Variants in TTC27 observed in about 807,000 individuals in gnomAD.
TTC27 encodes tetratricopeptide repeat protein 27.
In TTC27, 79 loss-of-function variants were observed where a neutral mutation model predicts 115.9. That is an observed-to-expected ratio of 0.68 (90% confidence interval 0.57 to 0.82). TTC27 has a LOEUF of 0.82. Ranked by LOEUF, TTC27 falls within the 40% of genes least tolerant of loss-of-function variation. The probability of loss-of-function intolerance (pLI) is 0.00; values close to 1 mark genes in which losing one functional copy is unlikely to be tolerated. For synonymous variants in TTC27, 401 were observed against 356.0 expected (o/e 1.13, Z -1.42); for missense variants, 1,054 against 993.1 (o/e 1.06, Z -0.82).
chr2:32,735,334 G>A (rs757553119), intron 11 of TTC27, among the ~76,000 whole-genome samples: 15 of 152,120 alleles, frequency 9.9e-5, no homozygotes, highest in Non-Finnish European at 2.1e-4. Flanking sequence ...TGTGAAATTG[G>A]TTAGGTGCTT....
chr2:32,766,013 G>A (rs1465564391), intron 13 of TTC27, among the ~76,000 whole-genome samples: 1 of 152,174 alleles, frequency 6.6e-6, no homozygotes, highest in African/African-American at 2.4e-5. Flanking sequence ...CTTATCACTT[G>A]TGTATTCCCT....
At chr2:32,748,308 A>T (rs1668897197) in intron 12 of TTC27, among the ~76,000 whole-genome samples, 1 of 152,112 alleles carries the variant, frequency 6.6e-6, no homozygotes, top group Non-Finnish European at 1.5e-5. Flanking sequence ...ACTTTCTATG[A>T]CTTCAGTCTT....
rs546926584 is a variant in TTC27 at position 32,790,045 on chromosome 2, A to C, written c.1998+2896A>C. On this transcript the variant is annotated intron_variant, in intron 16 of 19. Transcript: ENST00000317907. ...TTTCAGAAAAGAAAAAAAAAATCTA[A>C]AAAAAATAGCTATATTTTCCTAGTA... is the stretch of plus-strand genomic sequence containing the variant. Among the ~76,000 whole-genome samples, 24 of 151,920 alleles carry C rather than the reference A, an allele frequency of 1.6e-4. No homozygotes were observed. The South Asian group carries it at 4.8e-3, about 30-fold the overall frequency.
In TTC27 at chr2:32,755,548, G is replaced by C. The variant is rs1005249877; in HGVS notation, c.1453-2744G>C. Among the ~76,000 whole-genome samples, 8 of 152,252 alleles carry C rather than the reference G, an allele frequency of 5.3e-5. 1 individual carries two copies. In the South Asian group the frequency reaches 1.7e-3, roughly 32 times the overall value. ...GATGGCAGCAGTACAGTCCAGCTTC[G>C]GCTCGGCATCAGAGGGAGACCTTGG... On this transcript the variant is annotated intron_variant, in intron 12 of 19. Transcript: ENST00000317907.
chr2:32,697,493 T>C (rs1268496696), intron 9 of TTC27, among the ~76,000 whole-genome samples: 1 of 152,242 alleles, frequency 6.6e-6, no homozygotes, highest in Non-Finnish European at 1.5e-5. Context: ...AATGTGTTTA[T>C]AAGATATTTC....
At chr2:32,802,017 C>G (rs912965703) in intron 16 of TTC27, among the ~76,000 whole-genome samples, 1 of 152,132 alleles carries the variant, frequency 6.6e-6, no homozygotes, top group African/African-American at 2.4e-5. Context: ...ATGACATTCC[C>G]TGACATACCC....
At chr2:32,744,125 C>G (rs1478525008) in intron 12 of TTC27, among the ~76,000 whole-genome samples, 1 of 152,162 alleles carries the variant, frequency 6.6e-6, no homozygotes, top group African/African-American at 2.4e-5. Flanking sequence ...TATGACAGTG[C>G]TAAGATAAAA....
Position 32,630,702 on chromosome 2 carries a change from T to G in TTC27, c.266+2T>G. Reference sequence around the variant, plus strand: ...AACAGATTTGGACACAACGGAAAGGTAGAATTTTATTTGAAATTTTCATAG... The same window carrying G: ...AACAGATTTGGACACAACGGAAAGGGAGAATTTTATTTGAAATTTTCATAG... On this transcript the variant is annotated splice_donor_variant, in intron 2 of 19. Coordinates refer to ENST00000317907, the MANE Select transcript of TTC27 (RefSeq NM_017735.5). LOFTEE classifies it high-confidence loss of function. 1 of 1,596,224 alleles carries G rather than the reference T, an allele frequency of 6.3e-7. No individual in the cohort carries two copies. The highest frequency in any genetic ancestry group is 8.5e-7 in the Non-Finnish European group (1 of 1,173,518).
chr2:32,706,620 A>G (rs576008435), intron 10 of TTC27, among the ~76,000 whole-genome samples: 186 of 151,468 alleles, frequency 1.2e-3, no homozygotes, highest in Non-Finnish European at 2.3e-3. Flanking sequence ...GCTGGAGTGC[A>G]GTGGTGCAAT....
chr2:32,735,458 A>G (rs1156408394), intron 11 of TTC27, among the ~76,000 whole-genome samples: 4 of 152,170 alleles, frequency 2.6e-5, no homozygotes, highest in African/African-American at 9.6e-5. Context: ...GGAAACAAAT[A>G]CTGTTCAAAC....
chr2:32,801,668 C>T (rs1027412665), intron 16 of TTC27, among the ~76,000 whole-genome samples: 4 of 152,098 alleles, frequency 2.6e-5, no homozygotes, highest in Admixed American at 1.3e-4. Context: ...TTGAGAACAG[C>T]GGTGTTCATG....
At chr2:32,691,003 G>GA (rs1249822008) in intron 9 of TTC27, among the ~76,000 whole-genome samples, 1 of 152,174 alleles carries the variant, frequency 6.6e-6, no homozygotes, top group African/African-American at 2.4e-5. Flanking sequence ...TTTATGTATG[G>GA]AAAAAGCAGC....
intron 5 of TTC27, among the ~76,000 whole-genome samples, chr2:32,658,438 A>C (rs1665415764): frequency 6.6e-6 from 1 of 152,200 alleles, no homozygotes; most frequent in African/African-American, 2.4e-5. Context: ...ATAATGAATT[A>C]AGTGGAGATA....
chr2:32,628,822 G>A (rs2063534585), intron 1 of TTC27, among the ~76,000 whole-genome samples: 1 of 151,800 alleles, frequency 6.6e-6, no homozygotes. Flanking sequence ...GTGCAATGGC[G>A]CGATCTCGGC....
At chr2:32,684,003 C>CA (rs1267778072) in intron 9 of TTC27, among the ~76,000 whole-genome samples, 2 of 151,844 alleles carry the variant, frequency 1.3e-5, no homozygotes, top group African/African-American at 2.4e-5. Context: ...AAAAAAAATA[C>CA]AAAAATTAGC....
At chr2:32,807,603 T>C (rs34909842) in intron 16 of TTC27, among the ~76,000 whole-genome samples, 30,076 of 152,186 alleles carry the variant, frequency 0.2, 3,058 homozygotes, top group Admixed American at 0.26. Flanking sequence ...ATATTGAAAA[T>C]TAGTATTATA....
intron 16 of TTC27, among the ~76,000 whole-genome samples, chr2:32,787,553 G>A (rs1670391107): frequency 6.6e-6 from 1 of 152,132 alleles, no homozygotes; most frequent in Middle Eastern, 3.2e-3. Flanking sequence ...CCTTCAGATG[G>A]TATGAACAAT....
rs141214133 is a variant in TTC27, at chr2:32,661,246, A to C, written c.641-3057A>C. On this transcript the variant is annotated intron_variant, in intron 5 of 19. Transcript: ENST00000317907. ...CTTTTTGCTTAGGATTGTCTTGGCT[A>C]TACGGGCTCTTTTTGGTTCCATATG... 7.4e-3 allele frequency among the ~76,000 whole-genome samples: 1,130 copies of C among 152,282 alleles called. 10 individuals are homozygous for C. Among genetic ancestry groups the C allele is most frequent in the African/African-American group, 0.025 (1,024 of 41,540 alleles).
rs576336025 is a variant in TTC27 at position 32,809,086 on chromosome 2, GTCT to G, written c.1999-1933_1999-1931del. Among the ~76,000 whole-genome samples the G allele has an allele frequency of 9.8e-5, 15 of 152,292 alleles. No homozygotes were observed. In the East Asian group the frequency reaches 2.9e-3, roughly 29 times the overall value. Reference sequence around the variant, plus strand: ...AGAAAAAAGCACAACTGAATTTTCTGTCTTCTTTTATGACTGTATATAATTAAG... The same window carrying G: ...AGAAAAAAGCACAACTGAATTTTCTGTCTTTTATGACTGTATATAATTAAG... On this transcript the variant is annotated intron_variant, in intron 16 of 19. Transcript: ENST00000317907.
Sources: allele counts gnomAD v4.1 joint callset (sites outside exome capture counted in the v4.1 genomes callset), GRCh38; gene constraint gnomAD v4.1.1; transcripts MANE v1.5; gene names NCBI Gene and HGNC (gene_info 2026-07-23, HGNC 2026-07-21).